Variants in NOS1AP observed in about 807,000 individuals in gnomAD.
NOS1AP encodes nitric oxide synthase 1 adaptor protein, also known as carboxyl-terminal PDZ ligand of neuronal nitric oxide synthase protein.
In NOS1AP, 21 loss-of-function variants were observed where a neutral mutation model predicts 56.2. The observed-to-expected ratio is 0.37, with a 90% confidence interval of 0.26 to 0.54. NOS1AP has a LOEUF of 0.54. NOS1AP is among the 20% of genes least tolerant of loss of function. NOS1AP has a pLI of 0.84. For missense variants in NOS1AP, 522 were observed against 657.8 expected (o/e 0.79, Z 2.26); for synonymous variants, 270 against 274.6 (o/e 0.98, Z 0.17).
intron 4 of NOS1AP, among the ~76,000 whole-genome samples, chr1:162,314,041 G>A (rs149902137): frequency 2.0e-5 from 3 of 152,276 alleles, no homozygotes; most frequent in African/African-American, 7.2e-5. Flanking sequence ...CATACTTCAC[G>A]ACAAAGCTGG....
chr1:162,303,327 T>C lies in NOS1AP; in HGVS notation c.344+2621T>C, dbSNP rs986414807. Among the ~76,000 whole-genome samples, 14 of 152,378 alleles carry C rather than the reference T, an allele frequency of 9.2e-5. No individual in the cohort carries two copies. In the East Asian group the frequency reaches 2.3e-3, roughly 25 times the overall value. ...GTGTACAAGAGTCCCAATTCCTCCATATCTGCCAACATCCAGTATTGTCAG... is the reference window on the plus strand; with the variant it reads ...GTGTACAAGAGTCCCAATTCCTCCACATCTGCCAACATCCAGTATTGTCAG... On this transcript the variant is annotated intron_variant, in intron 4 of 9. Coordinates refer to ENST00000361897, the MANE Select transcript of NOS1AP (RefSeq NM_014697.3).
rs542951267 is a variant in NOS1AP at position 162,352,558 on chromosome 1, AAAC to A, written c.596-2624_596-2622del. Among the ~76,000 whole-genome samples the A allele has an allele frequency of 6.6e-5, 10 of 152,292 alleles. No individual in the cohort carries two copies. In the East Asian group the frequency reaches 1.5e-3, roughly 24 times the overall value. Reference sequence around the variant, plus strand: ...TAAAATGCAGTAGATTGGATGGCTTAAACAACATTTATTTCTGACAGTTTTGGA... The same window carrying A: ...TAAAATGCAGTAGATTGGATGGCTTAAACATTTATTTCTGACAGTTTTGGA... On this transcript the variant is annotated intron_variant, in intron 6 of 9. Coordinates refer to ENST00000361897, the MANE Select transcript of NOS1AP (RefSeq NM_014697.3).
At chr1:162,184,465 C>T (rs544213546) in intron 2 of NOS1AP, among the ~76,000 whole-genome samples, 69 of 152,176 alleles carry the variant, frequency 4.5e-4, no homozygotes, top group East Asian at 3.1e-3. Flanking sequence ...GTAAAACAAA[C>T]AAACAAAAAA....
At chr1:162,355,475 A>AT in intron 7 of NOS1AP, 122 bp downstream of exon 7, 5 of 1,230,180 alleles carry the variant, frequency 4.1e-6, no homozygotes, top group Non-Finnish European at 5.9e-6. Flanking sequence ...TGGCGGTGCC[A>AT]GAGCGCACTT....
At chr1:162,277,913 T>G (rs1277195551) in intron 2 of NOS1AP, among the ~76,000 whole-genome samples, 1 of 152,210 alleles carries the variant, frequency 6.6e-6, no homozygotes, top group Non-Finnish European at 1.5e-5. Flanking sequence ...CTTTCCTAGA[T>G]TTCTCATTTA....
Position 162,251,869 on chromosome 1 carries a change from G to GTTTTTTTTTTTTT in NOS1AP, c.178-35467_178-35455dup, listed in dbSNP as rs57313228. Among the ~76,000 whole-genome samples the GTTTTTTTTTTTTT allele has an allele frequency of 3.0e-3, 247 of 82,136 alleles. 2 individuals carry two copies. The highest frequency in any genetic ancestry group is 6.3e-3 in the African/African-American group (135 of 21,528). 53.9% of individuals were successfully genotyped at this position (82,136 alleles called of 152,430 possible). ...CACCTAGCTAGTTGTTTTTTTTTTTGTTTTTTTTTTTTTTTTTTTTGTGGA... is the reference window on the plus strand; with the variant it reads ...CACCTAGCTAGTTGTTTTTTTTTTTGTTTTTTTTTTTTTTTTTTTTTTTTTTTTTTTTTGTGGA... On this transcript the variant is annotated intron_variant, in intron 2 of 9. Coordinates refer to ENST00000361897, the MANE Select transcript of NOS1AP (RefSeq NM_014697.3).
intron 1 of NOS1AP, among the ~76,000 whole-genome samples, chr1:162,115,288 A>G (rs1311710209): frequency 6.6e-6 from 1 of 152,234 alleles, no homozygotes; most frequent in Non-Finnish European, 1.5e-5. Flanking sequence ...AAAATAAAAC[A>G]GTATACCATG....
At chr1:162,145,902 G>C (rs1649445652) in intron 1 of NOS1AP, among the ~76,000 whole-genome samples, 1 of 152,194 alleles carries the variant, frequency 6.6e-6, no homozygotes, top group Non-Finnish European at 1.5e-5. Context: ...AGAGAGTTTG[G>C]AAGAATGCAG....
intron 4 of NOS1AP, among the ~76,000 whole-genome samples, chr1:162,331,136 T>TC (rs2101793310): frequency 6.6e-6 from 1 of 152,282 alleles, no homozygotes; most frequent in Admixed American, 6.5e-5. Flanking sequence ...TGTAGATTTG[T>TC]CCCTTTGATG....
intron 4 of NOS1AP, among the ~76,000 whole-genome samples, chr1:162,330,573 G>A (rs548965390): frequency 2.1e-4 from 32 of 152,250 alleles, no homozygotes; most frequent in African/African-American, 7.2e-4. Flanking sequence ...ACTCTGGAGA[G>A]AGATGACTGC....
In NOS1AP at chr1:162,261,373, C is replaced by G. The variant is rs537502701; in HGVS notation, c.178-25971C>G. On this transcript the variant is annotated intron_variant, in intron 2 of 9. Transcript: ENST00000361897. ...AGTTTGCAGATTCTTAATGTGCAAA[C>G]TTTTAAGAATCTTGAGATGGGAGAT... 1.3e-3 allele frequency among the ~76,000 whole-genome samples: 176 copies of G among 133,882 alleles called. 21 individuals are homozygous for G. Among genetic ancestry groups the G allele is most frequent in the African/African-American group, 4.5e-3 (156 of 34,328 alleles). The allele number at this position is 133,882 out of a possible 152,430, so 87.8% of individuals were successfully genotyped here. A position where few individuals can be genotyped will look rare whatever the true frequency, so the allele number is the denominator to read the frequency against.
chr1:162,116,508 T>C (rs1241301660), intron 1 of NOS1AP, among the ~76,000 whole-genome samples: 1 of 152,126 alleles, frequency 6.6e-6, no homozygotes, highest in Non-Finnish European at 1.5e-5. Context: ...ATGGTTCGAG[T>C]CCCATATTTA....
rs114738072 is a variant in NOS1AP at position 162,074,968 on chromosome 1, G to A, written c.105+4686G>A. On this transcript the variant is annotated intron_variant, in intron 1 of 9. Transcript: ENST00000361897. ...AGGTTGGGTCTTTCTGAGTTACATA[G>A]GGTCACTTCTGCCACATCCTGTTGG... 4.3e-3 allele frequency among the ~76,000 whole-genome samples: 657 copies of A among 152,284 alleles called. 5 individuals are homozygous for A. Among genetic ancestry groups the A allele is most frequent in the Non-Finnish European group, 7.5e-3 (510 of 68,022 alleles).
rs1020160418 is a variant in NOS1AP at position 162,070,400 on chromosome 1, C to G, written c.105+118C>G. On this transcript the variant is annotated intron_variant, in intron 1 of 9. Transcript: ENST00000361897. Reference sequence around the variant, plus strand: ...TGGCGGGCTAGGCCGATTTGGGGGCCTTTCTCTTAGGGAGGGTAACTCTCC... The same window carrying G: ...TGGCGGGCTAGGCCGATTTGGGGGCGTTTCTCTTAGGGAGGGTAACTCTCC... 7 of 805,688 alleles carry G rather than the reference C, an allele frequency of 8.7e-6. No individual in the cohort carries two copies. In the Admixed American group the frequency reaches 1.4e-4, roughly 17 times the overall value. The allele number at this position is 805,688 out of a possible 1,614,324, so 49.9% of individuals were successfully genotyped here. A position where few individuals can be genotyped will look rare whatever the true frequency, so the allele number is the denominator to read the frequency against.
intron 2 of NOS1AP, among the ~76,000 whole-genome samples, chr1:162,269,241 C>T (rs10919025): frequency 0.2 from 30,077 of 152,140 alleles, 3,334 homozygotes; most frequent in East Asian, 0.43. Context: ...GCCAATTTCT[C>T]AAGATAAAAT....
intron 2 of NOS1AP, among the ~76,000 whole-genome samples, chr1:162,182,568 A>G (rs1651298900): frequency 6.6e-6 from 1 of 152,226 alleles, no homozygotes; most frequent in African/African-American, 2.4e-5. Context: ...ATTTGATAGC[A>G]TTACAGTAGA....
intron 2 of NOS1AP, among the ~76,000 whole-genome samples, chr1:162,234,057 G>A (rs568230330): frequency 3.3e-4 from 50 of 152,352 alleles, no homozygotes; most frequent in African/African-American, 1.1e-3. Flanking sequence ...TTAAAATCTA[G>A]TAGGAAAGAC....
At chr1:162,300,986 T>C (rs1417178666) in intron 4 of NOS1AP, among the ~76,000 whole-genome samples, 1 of 152,198 alleles carries the variant, frequency 6.6e-6, no homozygotes, top group Non-Finnish European at 1.5e-5. Flanking sequence ...TTTGTGCTAG[T>C]GTTGTCCCAA....
intron 4 of NOS1AP, among the ~76,000 whole-genome samples, chr1:162,323,139 G>A (rs1447183729): frequency 6.6e-6 from 1 of 152,196 alleles, no homozygotes; most frequent in Non-Finnish European, 1.5e-5. Flanking sequence ...CAATGACCAG[G>A]GTCCTTACAA....
Sources: allele counts gnomAD v4.1 joint callset (sites outside exome capture counted in the v4.1 genomes callset), GRCh38; gene constraint gnomAD v4.1.1; transcripts MANE v1.5; gene names NCBI Gene and HGNC (gene_info 2026-07-23, HGNC 2026-07-21).